AS3MT: variants seen among roughly 807,000 people sequenced by gnomAD.
AS3MT encodes S-adenosyl-L-methionine:arsenic(III) methyltransferase.
AS3MT carries 47 observed loss-of-function variants against 45.3 expected under a neutral mutation model. The ratio of observed to expected loss-of-function variants is 1.04; its 90% CI spans 0.82 to 1.32. AS3MT has a LOEUF of 1.32. Ranked by LOEUF, AS3MT falls within the 40% of genes most tolerant of loss-of-function variation. The pLI, the probability that AS3MT is intolerant of heterozygous loss-of-function variation, is 0.00. For synonymous variants in AS3MT, 141 were observed against 152.8 expected (o/e 0.92, Z 0.57); for missense variants, 396 against 451.1 (o/e 0.88, Z 1.11).
At chr10:102,871,017 G>GTAGA (rs1267774437) in intron 3 of AS3MT, among the ~76,000 whole-genome samples, 1 of 152,214 alleles carries the variant, frequency 6.6e-6, no homozygotes, top group African/African-American at 2.4e-5. Context: ...GCCAAGGCAG[G>GTAGA]TAGATCACTT....
rs762376034 is a variant in AS3MT, at chr10:102,900,551, C to T, written c.1021-42C>T. ...ATATTAGTGTTTGGGTACATCAAAA[C>T]ACCTTTAACTTGTCCTTTCATTTTG... On this transcript the variant is annotated intron_variant, in intron 10 of 10. Coordinates refer to ENST00000369880, the MANE Select transcript of AS3MT (RefSeq NM_020682.4). 2.1e-6 allele frequency: 3 copies of T among 1,427,062 alleles called. No homozygotes were observed. The Admixed American group carries it at 5.0e-5, about 24-fold the overall frequency. The allele number at this position is 1,427,062 out of a possible 1,614,324, so 88.4% of individuals were successfully genotyped here. A position where few individuals can be genotyped will look rare whatever the true frequency, so the allele number is the denominator to read the frequency against.
At chr10:102,884,025 C>A (rs1292537320) in intron 9 of AS3MT, among the ~76,000 whole-genome samples, 1 of 142,800 alleles carries the variant, frequency 7.0e-6, no homozygotes, top group African/African-American at 2.6e-5. Context: ...GTCGCCCAGG[C>A]TGGAGTGCAG....
intron 10 of AS3MT, among the ~76,000 whole-genome samples, chr10:102,893,188 C>T (rs1391240810): frequency 6.6e-6 from 1 of 152,056 alleles, no homozygotes; most frequent in East Asian, 1.9e-4. Flanking sequence ...TAGCACAATG[C>T]ATAGAAGTTA....
In AS3MT at chr10:102,869,833, G is replaced by A; in HGVS notation, c.30G>A (p.Gln10=). Residue 10 remains glutamine (Q), a synonymous_variant, in exon 2 of 11, where the codon CAG becomes CAA. Coordinates refer to ENST00000369880, the MANE Select transcript of AS3MT (RefSeq NM_020682.4). ...CTGCACTTCGTGACGCTGAGATACA[G>A]AAGGACGTGCAGGTGAGAGCTGTAG... is the stretch of plus-strand genomic sequence containing the variant. MAALRDAEI[Q]KDVQTYYGQV... The A allele has an allele frequency of 1.2e-6, 2 of 1,614,040 alleles. No individual in the cohort carries two copies. The highest frequency in any genetic ancestry group is 1.7e-6 in the Non-Finnish European group (2 of 1,180,044).
At chr10:102,874,239 G>A (rs898038559) in intron 5 of AS3MT, among the ~76,000 whole-genome samples, 1 of 150,920 alleles carries the variant, frequency 6.6e-6, no homozygotes, top group Non-Finnish European at 1.5e-5. Context: ...GGCAACAGGA[G>A]TGAAACATCC....
At chr10:102,885,312 T>C (rs1844930944) in intron 9 of AS3MT, among the ~76,000 whole-genome samples, 2 of 151,636 alleles carry the variant, frequency 1.3e-5, no homozygotes, top group South Asian at 4.2e-4. Flanking sequence ...GGTGACAGGA[T>C]TTCCTTCTTT....
At chr10:102,873,032 A>G in intron 4 of AS3MT, 65 bp from the exon 5 acceptor site, 1 of 1,378,980 alleles carries the variant, frequency 7.3e-7, no homozygotes, top group South Asian at 1.5e-5. Flanking sequence ...GTGATAGGAA[A>G]TTTTTAGGAA....
chr10:102,892,567 G>A (rs917889588), intron 10 of AS3MT, among the ~76,000 whole-genome samples: 17 of 152,012 alleles, frequency 1.1e-4, no homozygotes, highest in African/African-American at 3.1e-4. Context: ...CCTGCTTCTC[G>A]TAGAATGAAA....
intron 10 of AS3MT, among the ~76,000 whole-genome samples, chr10:102,894,438 AT>A (rs112805938): frequency 0.3 from 44,946 of 150,316 alleles, 6,878 homozygotes; most frequent in East Asian, 0.47. Flanking sequence ...ATAAAAAAAA[AT>A]AAAAAAATAA....
intron 3 of AS3MT, 119 bp downstream of exon 3, chr10:102,870,330 T>C (rs893119843): frequency 7.5e-7 from 1 of 1,325,962 alleles, no homozygotes; most frequent in Non-Finnish European, 1.0e-6. Flanking sequence ...GCCTTGTCTA[T>C]TGTAAAAATC....
At chr10:102,883,573 C>T (rs576719647) in intron 9 of AS3MT, among the ~76,000 whole-genome samples, 103 of 151,946 alleles carry the variant, frequency 6.8e-4, no homozygotes, top group Non-Finnish European at 1.1e-3. Context: ...ATTAGCCGGG[C>T]GTGGTGGCGT....
chr10:102,896,926 G>T (rs74495405), intron 10 of AS3MT, among the ~76,000 whole-genome samples: 4,058 of 152,222 alleles, frequency 0.027, 185 homozygotes, highest in African/African-American at 0.092. Context: ...GACAGATTTG[G>T]CTTTTGAGTA....
At chr10:102,870,976 G>A (rs1459664352) in intron 3 of AS3MT, among the ~76,000 whole-genome samples, 3 of 152,152 alleles carry the variant, frequency 2.0e-5, no homozygotes, top group African/African-American at 7.2e-5. Context: ...GGGGAGCGGT[G>A]GCTCACGTCC....
At chr10:102,887,678 C>T (rs1005760698) in intron 9 of AS3MT, among the ~76,000 whole-genome samples, 8 of 152,054 alleles carry the variant, frequency 5.3e-5, no homozygotes, top group African/African-American at 1.9e-4. Context: ...TTTTTCCACC[C>T]CTTAACTTCC....
At chr10:102,869,917 T>TGTCCCCC in intron 2 of AS3MT, 72 bp downstream of exon 2, 1 of 1,596,178 alleles carries the variant, frequency 6.3e-7, no homozygotes, top group Non-Finnish European at 8.6e-7. Flanking sequence ...GCCCGCACCC[T>TGTCCCCC]GTCCCCCGGG....
Position 102,882,983 on chromosome 10 carries a change from T to C in AS3MT, c.885+3992T>C, listed in dbSNP as rs542830560. On this transcript the variant is annotated intron_variant, in intron 9 of 10. Coordinates refer to ENST00000369880, the MANE Select transcript of AS3MT (RefSeq NM_020682.4). ...CTCCTTGATGTGCTGCCTATTCCAG[T>C]AGATACACAGAATCAGAGTGGTAAG... Among the ~76,000 whole-genome samples the C allele has an allele frequency of 2.0e-5, 3 of 152,270 alleles. No individual in the cohort carries two copies. The East Asian group carries it at 5.8e-4, about 29-fold the overall frequency.
In AS3MT at chr10:102,900,950, G is replaced by T; in HGVS notation, c.*250G>T. 1 of 367,956 alleles carries T rather than the reference G, an allele frequency of 2.7e-6. No individual in the cohort carries two copies. The highest frequency in any genetic ancestry group is 2.7e-5 in the South Asian group (1 of 36,416). The allele number at this position is 367,956 out of a possible 1,614,324, so 22.8% of individuals were successfully genotyped here. A position where few individuals can be genotyped will look rare whatever the true frequency, so the allele number is the denominator to read the frequency against. On this transcript the variant is annotated 3_prime_UTR_variant, in exon 11 of 11. Transcript: ENST00000369880. ...AATACAAAAAAAATTAGCTGGGCAT[G>T]GTGGTGCACACCTATAGTCTCAGCT...
chr10:102,869,759 T>G (rs763722132), intron 1 of AS3MT, 46 bp from the exon 2 acceptor site: 36 of 1,613,610 alleles, frequency 2.2e-5, no homozygotes, highest in Non-Finnish European at 3.0e-5. Context: ...CTCATGCCCG[T>G]CCCTCAGCAC....
chr10:102,890,610 G>A lies in AS3MT; in HGVS notation c.952G>A (p.Asp318Asn), dbSNP rs1845053796. ...CTTGAAGAATTCAAGATTTGCTCAA[G>A]ATTTTCTGATCAGACCAATTGGAGA... ...AILKNSRFAQDFLIRPIGEKL... is the reference protein window; with the variant it reads ...AILKNSRFAQNFLIRPIGEKL... The change falls in exon 10 of 11, where the codon GAT becomes AAT. Residue 318 changes from aspartate to asparagine, a missense_variant. Asp to Asn is a conservative substitution (Grantham distance 23). Transcript: ENST00000369880. 6.2e-7 allele frequency: 1 copy of A among 1,612,582 alleles called. No individual in the cohort carries two copies. The highest frequency in any genetic ancestry group is 1.7e-5 in the Admixed American group (1 of 59,758).
Sources: gnomAD v4.1 joint callset for allele counts (sites outside exome capture counted in the v4.1 genomes callset) on GRCh38, gnomAD v4.1.1 for gene constraint, MANE v1.5 for transcripts, NCBI Gene and HGNC (gene_info 2026-07-23, HGNC 2026-07-21) for gene names.